Variants in MACROD2 observed in about 807,000 individuals in gnomAD.
MACROD2 encodes the protein ADP-ribose glycohydrolase MACROD2.
A neutral mutation model predicts 70.4 loss-of-function variants in MACROD2; 36 were observed. That is an observed-to-expected ratio of 0.51 (90% CI 0.39 to 0.68). The LOEUF (loss-of-function observed/expected upper bound fraction) is 0.68. Among genes scored for constraint, MACROD2 ranks in the 30% least tolerant of loss-of-function variants. The pLI, the probability that MACROD2 is intolerant of heterozygous loss-of-function variation, is 0.00. For synonymous variants in MACROD2, 172 were observed against 178.8 expected (o/e 0.96, Z 0.30); for missense variants, 496 against 538.4 (o/e 0.92, Z 0.78).
intron 6 of MACROD2, among the ~76,000 whole-genome samples, chr20:15,329,463 T>A (rs1162889191): frequency 1.3e-5 from 2 of 152,022 alleles, no homozygotes; most frequent in Non-Finnish European, 2.9e-5. Context: ...ACCAGTCAGG[T>A]GCAGTGGCTC....
At chr20:15,009,798 G>T in intron 5 of MACROD2, among the ~76,000 whole-genome samples, 2 of 132,860 alleles carry the variant, frequency 1.5e-5, no homozygotes. Context: ...TTTTACCACT[G>T]AATACATTGT....
At chr20:15,967,339 C>T (rs1177739222) in intron 12 of MACROD2, among the ~76,000 whole-genome samples, 1 of 152,160 alleles carries the variant, frequency 6.6e-6, no homozygotes, top group African/African-American at 2.4e-5. Context: ...CAGCTAGCTA[C>T]ATCTCTACCT....
intron 5 of MACROD2, among the ~76,000 whole-genome samples, chr20:14,876,625 T>C (rs2073554090): frequency 6.6e-6 from 1 of 152,184 alleles, no homozygotes; most frequent in Admixed American, 6.5e-5. Flanking sequence ...TTAATCCATC[T>C]TGAGTTACTT....
chr20:14,168,814 A>T (rs1035835336), intron 3 of MACROD2, among the ~76,000 whole-genome samples: 1 of 152,348 alleles, frequency 6.6e-6, no homozygotes, highest in East Asian at 1.9e-4. Flanking sequence ...ACACTATTCC[A>T]CAAGATAGAG....
At chr20:14,827,414 G>A (rs2072914037) in intron 5 of MACROD2, among the ~76,000 whole-genome samples, 2 of 152,092 alleles carry the variant, frequency 1.3e-5, no homozygotes, top group African/African-American at 4.8e-5. Context: ...TGAGTGAAAA[G>A]TATATTCCAC....
chr20:14,886,986 T>G (rs2073685192), intron 5 of MACROD2, among the ~76,000 whole-genome samples: 1 of 152,188 alleles, frequency 6.6e-6, no homozygotes, highest in Non-Finnish European at 1.5e-5. Flanking sequence ...TACACTTCTC[T>G]GAAAATAAAT....
At chr20:15,599,236 A>T (rs79475668) in intron 8 of MACROD2, among the ~76,000 whole-genome samples, 1 of 151,964 alleles carries the variant, frequency 6.6e-6, no homozygotes, top group Non-Finnish European at 1.5e-5. Context: ...AAAAAAAAAA[A>T]AGAAAATTAG....
chr20:15,338,202 C>T lies in MACROD2; in HGVS notation c.541-93203C>T, dbSNP rs566009819. The stretch of plus-strand genomic sequence containing the variant: ...AAACCCCAATTAGACTGTAATATTA[C>T]GGTATAGTTTTGATTCTACCCATCG... On this transcript the variant is annotated intron_variant, in intron 6 of 17. Coordinates refer to ENST00000684519, the MANE Select transcript of MACROD2 (RefSeq NM_001351661.2). Among the ~76,000 whole-genome samples the T allele has an allele frequency of 6.7e-4, 102 of 151,788 alleles. 2 individuals are homozygous for T. Among genetic ancestry groups the T allele is most frequent in the Middle Eastern group, 3.4e-3 (1 of 294 alleles).
At chr20:15,961,453 C>T (rs1463965388) in intron 12 of MACROD2, among the ~76,000 whole-genome samples, 1 of 152,186 alleles carries the variant, frequency 6.6e-6, no homozygotes, top group Non-Finnish European at 1.5e-5. Context: ...ATCTCAGCAG[C>T]AACACTCAGC....
rs929655666 is a variant in MACROD2, at chr20:14,808,192, G to A, written c.418+123233G>A. 7.9e-5 allele frequency among the ~76,000 whole-genome samples: 12 copies of A among 152,160 alleles called. 1 individual carries two copies. The highest frequency in any genetic ancestry group is 5.2e-4 in the Admixed American group (8 of 15,268). On this transcript the variant is annotated intron_variant, in intron 5 of 17. Coordinates refer to ENST00000684519, the MANE Select transcript of MACROD2 (RefSeq NM_001351661.2). ...TTAAGGGCAGCCAGAGAGAAAGGTC[G>A]GGTTACCCACAAAGGGAAGCCCATC... is the stretch of plus-strand genomic sequence containing the variant.
At chr20:14,424,714 C>G (rs1168773940) in intron 3 of MACROD2, among the ~76,000 whole-genome samples, 1 of 152,150 alleles carries the variant, frequency 6.6e-6, no homozygotes, top group African/African-American at 2.4e-5. Flanking sequence ...GTATTTATGT[C>G]AATCATTTTC....
chr20:14,005,253 A>G (rs1382979472), intron 2 of MACROD2, among the ~76,000 whole-genome samples: 1 of 152,140 alleles, frequency 6.6e-6, no homozygotes. Flanking sequence ...AAAGAATGGG[A>G]GATGATTACC....
intron 3 of MACROD2, among the ~76,000 whole-genome samples, chr20:14,357,201 A>G (rs1414924555): frequency 2.6e-5 from 4 of 152,210 alleles, no homozygotes; most frequent in African/African-American, 9.6e-5. Context: ...TTTGAGAAAT[A>G]CAGCTGGCCA....
At chr20:15,895,148 G>T (rs960383841) in intron 10 of MACROD2, among the ~76,000 whole-genome samples, 1 of 152,154 alleles carries the variant, frequency 6.6e-6, no homozygotes, top group African/African-American at 2.4e-5. Context: ...ATTAAAGAAG[G>T]GAATTCTTCC....
intron 8 of MACROD2, among the ~76,000 whole-genome samples, chr20:15,513,611 T>C (rs779469766): frequency 6.6e-6 from 1 of 152,160 alleles, no homozygotes; most frequent in Non-Finnish European, 1.5e-5. Context: ...AAGAGAAAGA[T>C]TGATATACTC....
chr20:14,580,501 G>A (rs193196300), intron 4 of MACROD2, among the ~76,000 whole-genome samples: 2 of 151,978 alleles, frequency 1.3e-5, no homozygotes, highest in Non-Finnish European at 2.9e-5. Context: ...ATTTGCAACT[G>A]TCAAGCAAAA....
intron 3 of MACROD2, among the ~76,000 whole-genome samples, chr20:14,181,595 T>C (rs1013428734): frequency 3.9e-5 from 6 of 152,118 alleles, no homozygotes; most frequent in African/African-American, 1.4e-4. Flanking sequence ...TCTTTTTTTT[T>C]TTCCCCAGAA....
At chr20:14,419,813 T>A (rs1300571191) in intron 3 of MACROD2, among the ~76,000 whole-genome samples, 1 of 152,132 alleles carries the variant, frequency 6.6e-6, no homozygotes, top group Non-Finnish European at 1.5e-5. Context: ...TCATTTCTTT[T>A]TTTCTCTTTT....
At chr20:14,741,274 C>T (rs1245804754) in intron 5 of MACROD2, among the ~76,000 whole-genome samples, 1 of 152,106 alleles carries the variant, frequency 6.6e-6, no homozygotes, top group Admixed American at 6.6e-5. Flanking sequence ...TTAGACCAAG[C>T]ATCATGTTCA....
Sources: gnomAD v4.1 joint callset for allele counts (sites outside exome capture counted in the v4.1 genomes callset) on GRCh38, gnomAD v4.1.1 for gene constraint, MANE v1.5 for transcripts, NCBI Gene and HGNC (gene_info 2026-07-23, HGNC 2026-07-21) for gene names.